The following TENM3 variants were observed in gnomAD, a reference collection of about 807,000 sequenced individuals.
TENM3 encodes the protein teneurin transmembrane protein 3.
A neutral mutation model predicts 255.1 loss-of-function variants in TENM3; 63 were observed. The observed-to-expected ratio is 0.25, with a 90% CI of 0.20 to 0.30. The LOEUF (loss-of-function observed/expected upper bound fraction) is 0.30. Among genes scored for constraint, TENM3 ranks in the 10% least tolerant of loss-of-function variants. TENM3 has a pLI of 1.00. For synonymous variants in TENM3, 1,306 were observed against 1,322.3 expected (o/e 0.99, Z 0.27); for missense variants, 2,929 against 3,461.1 (o/e 0.85, Z 3.86).
the TENM3 span, among the ~76,000 whole-genome samples, chr4:181,648,635 T>A: frequency 3.3e-5 from 5 of 152,208 alleles, no homozygotes; most frequent in Admixed American, 1.3e-4. Context: ...AAACTTAATA[T>A]TATTTTCTTA....
At chr4:181,718,532 C>T in the TENM3 span, among the ~76,000 whole-genome samples, 1 of 152,214 alleles carries the variant, frequency 6.6e-6, no homozygotes, top group South Asian at 2.1e-4. Flanking sequence ...ATGTCCAATG[C>T]CACAGCTAGT....
At chr4:181,479,436 G>A in the TENM3 span, among the ~76,000 whole-genome samples, 1 of 152,144 alleles carries the variant, frequency 6.6e-6, no homozygotes, top group Non-Finnish European at 1.5e-5. Context: ...GTCTTTGCCA[G>A]AGGACTTAAA....
the TENM3 span, among the ~76,000 whole-genome samples, chr4:182,111,532 A>G: frequency 9.2e-5 from 14 of 152,348 alleles, no homozygotes; most frequent in African/African-American, 2.9e-4. Flanking sequence ...GAAAGTGTTT[A>G]TGGATGCACG....
the TENM3 span, among the ~76,000 whole-genome samples, chr4:182,056,882 A>C: frequency 6.6e-6 from 1 of 151,938 alleles, no homozygotes; most frequent in Non-Finnish European, 1.5e-5. Context: ...AAAAGTTTGG[A>C]GTTAGGGGTC....
the TENM3 span, among the ~76,000 whole-genome samples, chr4:181,888,496 A>G: frequency 4.9e-3 from 120 of 24,702 alleles, 2 homozygotes; most frequent in Middle Eastern, 0.042. Flanking sequence ...AGAAATGTGT[A>G]TATATATATA....
the TENM3 span, among the ~76,000 whole-genome samples, chr4:182,061,629 C>G: frequency 1.3e-5 from 2 of 152,094 alleles, no homozygotes; most frequent in Admixed American, 6.6e-5. Context: ...GTGGGAACTG[C>G]CTTACTTACA....
the TENM3 span, among the ~76,000 whole-genome samples, chr4:181,605,220 T>C: frequency 6.6e-6 from 1 of 151,400 alleles, no homozygotes; most frequent in Non-Finnish European, 1.5e-5. Flanking sequence ...CCGAAGTGGG[T>C]GGATCACGAG....
At position 182,755,782 on chromosome 4, in the gene TENM3, G is replaced by T. The variant is rs375737418; in HGVS notation, c.4892+523G>T. Among the ~76,000 whole-genome samples, 414 of 152,240 alleles carry T rather than the reference G, an allele frequency of 2.7e-3. 1 individual carries two copies. The highest frequency in any genetic ancestry group is 8.7e-3 in the African/African-American group (361 of 41,546). On this transcript the variant is annotated intron_variant, in intron 22 of 27. Transcript: ENST00000511685. Reference sequence around the variant, plus strand: ...GTGAACCCGGGAGGCGCAGCTTGCAGTGAGCCGAGATCGCGCCACTGCACT... The same window carrying T: ...GTGAACCCGGGAGGCGCAGCTTGCATTGAGCCGAGATCGCGCCACTGCACT...
the TENM3 span, among the ~76,000 whole-genome samples, chr4:181,580,611 C>T: frequency 1.1e-3 from 169 of 152,036 alleles, 1 homozygote; most frequent in South Asian, 4.6e-3. Flanking sequence ...TTTTCTAGGA[C>T]GAAGGAGAAA....
At chr4:181,825,400 CAAAAAAAAAAAAA>C in the TENM3 span, among the ~76,000 whole-genome samples, 1 of 70,424 alleles carries the variant, frequency 1.4e-5, no homozygotes. Context: ...GACTCCATCT[CAAAAAAAAAAAAA>C]AAAAAAAAAA....
the TENM3 span, among the ~76,000 whole-genome samples, chr4:181,947,170 T>C: frequency 2.6e-5 from 4 of 152,338 alleles, no homozygotes; most frequent in East Asian, 1.9e-4. Flanking sequence ...GAGTACATTG[T>C]GGGAATCACA....
At chr4:182,000,903 A>G in the TENM3 span, among the ~76,000 whole-genome samples, 145 of 152,212 alleles carry the variant, frequency 9.5e-4, no homozygotes, top group African/African-American at 3.3e-3. Context: ...AAGAAAGTCT[A>G]AAATAATAAT....
At chr4:182,161,415 CAAAA>C (rs70954290) in intron 1 of TENM3, among the ~76,000 whole-genome samples, 1 of 43,830 alleles carries the variant, frequency 2.3e-5, no homozygotes, top group African/African-American at 1.0e-4. Flanking sequence ...GACTCCGTCT[CAAAA>C]AAAAAAAAAA....
chr4:182,593,122 A>G (rs1315798076), intron 3 of TENM3, among the ~76,000 whole-genome samples: 5 of 152,160 alleles, frequency 3.3e-5, no homozygotes, highest in Non-Finnish European at 1.5e-5. Flanking sequence ...GTGGCAACCT[A>G]GATTACCTGA....
At chr4:182,539,224 C>A (rs531026003) in intron 3 of TENM3, among the ~76,000 whole-genome samples, 4 of 151,138 alleles carry the variant, frequency 2.6e-5, no homozygotes, top group African/African-American at 4.9e-5. Flanking sequence ...AGTGCAGAGT[C>A]CCTGCAGGCA....
At chr4:181,568,679 C>T in the TENM3 span, among the ~76,000 whole-genome samples, 3 of 152,258 alleles carry the variant, frequency 2.0e-5, no homozygotes, top group South Asian at 4.1e-4. Context: ...ATAGAGTCCT[C>T]GCAGAAAATC....
chr4:181,582,021 C>T, the TENM3 span, among the ~76,000 whole-genome samples: 1 of 152,236 alleles, frequency 6.6e-6, no homozygotes, highest in South Asian at 2.1e-4. Context: ...GCATGAGACA[C>T]TGTGCCTGGC....
At chr4:182,571,611 G>A (rs1744384456) in intron 3 of TENM3, among the ~76,000 whole-genome samples, 1 of 152,146 alleles carries the variant, frequency 6.6e-6, no homozygotes, top group African/African-American at 2.4e-5. Context: ...AAATGTGAAA[G>A]ATATAAAATA....
the TENM3 span, among the ~76,000 whole-genome samples, chr4:181,843,246 A>G: frequency 6.6e-6 from 1 of 152,346 alleles, no homozygotes; most frequent in Non-Finnish European, 1.5e-5. Flanking sequence ...TTTAGAGGTG[A>G]TATTAAGGTA....
Sources: allele counts gnomAD v4.1 joint callset (sites outside exome capture counted in the v4.1 genomes callset), GRCh38; gene constraint gnomAD v4.1.1; transcripts MANE v1.5; gene names NCBI Gene and HGNC (gene_info 2026-07-23, HGNC 2026-07-21).